CCDC178: variants seen among roughly 807,000 people sequenced by gnomAD.
CCDC178 encodes coiled-coil domain-containing protein 178.
A neutral mutation model predicts 117.4 loss-of-function variants in CCDC178; 126 were observed. The ratio of observed to expected loss-of-function variants is 1.07; its 90% CI spans 0.93 to 1.24. CCDC178 has a LOEUF of 1.24. Among genes scored for constraint, CCDC178 ranks in the 50% most tolerant of loss-of-function variants. CCDC178 has a pLI of 0.00. For missense variants in CCDC178, 1,030 were observed against 986.9 expected (o/e 1.04, Z -0.59); for synonymous variants, 283 against 313.4 (o/e 0.90, Z 1.02).
intron 12 of CCDC178, among the ~76,000 whole-genome samples, chr18:33,281,566 T>A (rs1255651203): frequency 6.6e-6 from 1 of 152,018 alleles, no homozygotes; most frequent in Non-Finnish European, 1.5e-5. Flanking sequence ...CCATACAAGA[T>A]CCAATAGACA....
chr18:32,984,669 G>A (rs147963592), intron 21 of CCDC178, among the ~76,000 whole-genome samples: 150 of 151,850 alleles, frequency 9.9e-4, no homozygotes, highest in African/African-American at 3.5e-3. Flanking sequence ...CCTTGTGATT[G>A]AAAAAATTGT....
intron 13 of CCDC178, 57 bp from the exon 14 acceptor site, chr18:33,267,109 C>A: frequency 6.5e-7 from 1 of 1,530,846 alleles, no homozygotes; most frequent in South Asian, 1.3e-5. Context: ...AAAGGCAAAA[C>A]CTATAATAAT....
chr18:33,021,207 A>G (rs1412458086), intron 21 of CCDC178, among the ~76,000 whole-genome samples: 1 of 152,226 alleles, frequency 6.6e-6, no homozygotes, highest in African/African-American at 2.4e-5. Context: ...TTGGCAGATC[A>G]CTAACTGAAA....
At chr18:33,328,495 G>A (rs1333421088) in intron 10 of CCDC178, among the ~76,000 whole-genome samples, 1 of 152,018 alleles carries the variant, frequency 6.6e-6, no homozygotes, top group Non-Finnish European at 1.5e-5. Flanking sequence ...TGTAAGGTAG[G>A]GGTCCACTTT....
chr18:33,072,059 C>G (rs1279644590), intron 21 of CCDC178, among the ~76,000 whole-genome samples: 1 of 151,948 alleles, frequency 6.6e-6, no homozygotes, highest in East Asian at 1.9e-4. Flanking sequence ...TATGCAAGGA[C>G]TTGAAAAAAA....
intron 21 of CCDC178, among the ~76,000 whole-genome samples, chr18:33,046,120 AC>A (rs1015092362): frequency 1.3e-5 from 2 of 152,236 alleles, no homozygotes; most frequent in African/African-American, 4.8e-5. Flanking sequence ...GTTAGCCTTT[AC>A]GAACATGAAA....
At chr18:33,328,086 T>G (rs756639277) in intron 10 of CCDC178, 1 of 34,674 alleles carries the variant, frequency 2.9e-5, no homozygotes. Flanking sequence ...TCCCTAGATT[T>G]TTTTTTTTTT....
At position 33,437,579 on chromosome 18, in the gene CCDC178, G is replaced by A. The variant is rs998644494; in HGVS notation, c.-23+2383C>T. 38 of 152,182 alleles carry A rather than the reference G, an allele frequency of 2.5e-4. 2 individuals carry two copies. Among genetic ancestry groups the A allele is most frequent in the Non-Finnish European group, 1.5e-5 (1 of 68,036 alleles). 9.4% of individuals were successfully genotyped at this position (152,182 alleles called of 1,614,324 possible). ...CACACATTCAGTAAGTACCCAGAAA[G>A]GGAGGCCAGAAGGTAATGTTCATAG... On this transcript the variant is annotated intron_variant, in intron 2 of 22. Coordinates refer to ENST00000383096, the MANE Select transcript of CCDC178 (RefSeq NM_001105528.4).
chr18:33,254,142 C>T (rs1262180801), intron 14 of CCDC178, among the ~76,000 whole-genome samples: 1 of 151,654 alleles, frequency 6.6e-6, no homozygotes, highest in Non-Finnish European at 1.5e-5. Flanking sequence ...GAATACATAG[C>T]ACAGAGAATA....
At chr18:33,095,247 T>G (rs1174127668) in intron 20 of CCDC178, among the ~76,000 whole-genome samples, 1 of 151,964 alleles carries the variant, frequency 6.6e-6, no homozygotes, top group Non-Finnish European at 1.5e-5. Flanking sequence ...TCAATTCCAA[T>G]TATTAATACT....
intron 15 of CCDC178, among the ~76,000 whole-genome samples, chr18:33,232,183 C>T (rs1007207265): frequency 1.3e-5 from 2 of 152,128 alleles, no homozygotes; most frequent in East Asian, 3.9e-4. Flanking sequence ...CACCTTTGAC[C>T]TGCAGCCTGG....
chr18:33,421,610 C>T (rs2064026244), intron 2 of CCDC178, among the ~76,000 whole-genome samples: 1 of 152,022 alleles, frequency 6.6e-6, no homozygotes, highest in South Asian at 2.1e-4. Context: ...ACACCACGAC[C>T]AGAGAAAGAT....
chr18:33,332,851 C>T (rs962007789), intron 10 of CCDC178, among the ~76,000 whole-genome samples: 1 of 152,112 alleles, frequency 6.6e-6, no homozygotes, highest in Admixed American at 6.5e-5. Context: ...TGGGCTTAAG[C>T]GATGCACCCA....
chr18:33,368,941 T>C (rs1335385192), intron 6 of CCDC178, among the ~76,000 whole-genome samples: 1 of 151,978 alleles, frequency 6.6e-6, no homozygotes, highest in African/African-American at 2.4e-5. Flanking sequence ...AAAATACCTA[T>C]GATTTTTATC....
At position 33,049,853 on chromosome 18, in the gene CCDC178, G is replaced by C. The variant is rs9946467; in HGVS notation, c.2388+42908C>G. On this transcript the variant is annotated intron_variant, in intron 21 of 22. Transcript: ENST00000383096. ...ATCCCAGCACTTTGGGAGGCCGAGG[G>C]GGGTGGATACTTGAGGTAAGGAGTT... is the stretch of plus-strand genomic sequence containing the variant. Among the ~76,000 whole-genome samples the C allele has an allele frequency of 2.6e-5, 4 of 151,542 alleles. No individual in the cohort carries two copies. In the East Asian group the frequency reaches 5.8e-4, roughly 22 times the overall value.
At chr18:33,145,329 A>G (rs1022072639) in intron 20 of CCDC178, among the ~76,000 whole-genome samples, 1 of 152,190 alleles carries the variant, frequency 6.6e-6, no homozygotes, top group Non-Finnish European at 1.5e-5. Context: ...TGTTTTAAAA[A>G]GAGTTTGAAT....
chr18:33,317,435 G>A (rs181295523), intron 11 of CCDC178, among the ~76,000 whole-genome samples: 87 of 152,266 alleles, frequency 5.7e-4, no homozygotes, highest in African/African-American at 2.1e-3. Flanking sequence ...TTTAAGAACT[G>A]TAACACTCAC....
intron 15 of CCDC178, among the ~76,000 whole-genome samples, chr18:33,241,436 G>A (rs1464909535): frequency 7.3e-4 from 5 of 6,888 alleles, no homozygotes; most frequent in Admixed American, 3.3e-3. Context: ...GATCGTGTGT[G>A]TGTGTGTGTG....
At chr18:33,167,650 G>A (rs1411416502) in intron 20 of CCDC178, among the ~76,000 whole-genome samples, 1 of 151,900 alleles carries the variant, frequency 6.6e-6, no homozygotes, top group Non-Finnish European at 1.5e-5. Flanking sequence ...GATCACTTGA[G>A]GTCAGGAGTT....
Sources: allele counts gnomAD v4.1 joint callset (sites outside exome capture counted in the v4.1 genomes callset), GRCh38; gene constraint gnomAD v4.1.1; transcripts MANE v1.5; gene names NCBI Gene and HGNC (gene_info 2026-07-23, HGNC 2026-07-21).